RAB3C: variants seen among roughly 807,000 people sequenced by gnomAD.
RAB3C encodes the protein ras-related protein Rab-3C.
RAB3C carries 17 observed loss-of-function variants against 26.4 expected under a neutral mutation model. The ratio of observed to expected loss-of-function variants is 0.64; its 90% confidence interval spans 0.44 to 0.97. RAB3C has a LOEUF of 0.97. RAB3C is among the 50% of genes least tolerant of loss of function. The pLI, the probability that RAB3C is intolerant of heterozygous loss-of-function variation, is 0.00. For missense variants in RAB3C, 242 were observed against 281.9 expected, an observed-to-expected ratio of 0.86 and a Z score of 1.01; for synonymous variants, 91 against 95.9, an observed-to-expected ratio of 0.95 and a Z score of 0.30.
chr5:58,836,242 T>A (rs915578323), intron 4 of RAB3C, among the ~76,000 whole-genome samples: 4 of 102,048 alleles, frequency 3.9e-5, no homozygotes, highest in Non-Finnish European at 7.9e-5. Flanking sequence ...CTCATATATT[T>A]CTTTATTTTT....
chr5:58,786,259 T>G (rs1199212992), intron 3 of RAB3C, among the ~76,000 whole-genome samples: 1 of 152,202 alleles, frequency 6.6e-6, no homozygotes, highest in Non-Finnish European at 1.5e-5. Context: ...GACCTGAACC[T>G]CAGCCCTTCC....
At chr5:58,606,231 G>C (rs1746565797) in intron 1 of RAB3C, among the ~76,000 whole-genome samples, 1 of 152,224 alleles carries the variant, frequency 6.6e-6, no homozygotes, top group Admixed American at 6.5e-5. Context: ...GCAACAGGCA[G>C]ACCAGGAAAT....
At chr5:58,645,836 A>T (rs13181341) in intron 2 of RAB3C, among the ~76,000 whole-genome samples, 15,951 of 152,098 alleles carry the variant, frequency 0.1, 959 homozygotes, top group Middle Eastern at 0.21. Context: ...GGTGAAGTGG[A>T]CCTGGGGCCC....
At chr5:58,839,205 C>G (rs1444181745) in intron 4 of RAB3C, among the ~76,000 whole-genome samples, 1 of 151,682 alleles carries the variant, frequency 6.6e-6, no homozygotes, top group Non-Finnish European at 1.5e-5. Context: ...CATTTACATT[C>G]AAGGTTATTA....
chr5:58,626,469 A>G (rs533103767), intron 2 of RAB3C, among the ~76,000 whole-genome samples: 1 of 152,278 alleles, frequency 6.6e-6, no homozygotes, highest in South Asian at 2.1e-4. Context: ...ACTTGGTTCT[A>G]AATCCCCCTA....
chr5:58,825,478 C>G (rs898050496), intron 4 of RAB3C, among the ~76,000 whole-genome samples: 8 of 152,140 alleles, frequency 5.3e-5, no homozygotes, highest in East Asian at 1.9e-4. Context: ...CCCCCATACT[C>G]TATTTTGCAT....
At chr5:58,594,465 A>G (rs113837333) in intron 1 of RAB3C, among the ~76,000 whole-genome samples, 45 of 152,340 alleles carry the variant, frequency 3.0e-4, no homozygotes, top group African/African-American at 1.1e-3. Context: ...TAATAGTAGC[A>G]GTAGCTTTTG....
At chr5:58,622,880 T>G (rs1746965506) in intron 2 of RAB3C, among the ~76,000 whole-genome samples, 1 of 152,202 alleles carries the variant, frequency 6.6e-6, no homozygotes, top group Non-Finnish European at 1.5e-5. Flanking sequence ...CCCATGTACT[T>G]GACCACATGG....
intron 1 of RAB3C, among the ~76,000 whole-genome samples, chr5:58,604,452 C>T (rs1402729560): frequency 6.6e-6 from 1 of 152,152 alleles, no homozygotes; most frequent in Non-Finnish European, 1.5e-5. Flanking sequence ...CTAGGCCTGT[C>T]TGAGCTCAGA....
chr5:58,647,823 G>T (rs1409068249), intron 2 of RAB3C: 1 of 152,074 alleles, frequency 6.6e-6, no homozygotes, highest in Non-Finnish European at 1.5e-5. Flanking sequence ...AACTAACCAG[G>T]TCTCCATAGT....
chr5:58,649,662 C>T (rs889584113), intron 2 of RAB3C, among the ~76,000 whole-genome samples: 3 of 152,080 alleles, frequency 2.0e-5, no homozygotes, highest in Admixed American at 1.3e-4. Context: ...CTTACTGTCA[C>T]GCTTCACCAA....
intron 2 of RAB3C, among the ~76,000 whole-genome samples, chr5:58,665,453 A>G (rs1190113343): frequency 6.6e-6 from 1 of 152,150 alleles, no homozygotes; most frequent in Non-Finnish European, 1.5e-5. Flanking sequence ...CCTACTGAGA[A>G]ATGAGCTGCT....
At chr5:58,694,682 C>T (rs1748653371) in intron 2 of RAB3C, among the ~76,000 whole-genome samples, 1 of 152,168 alleles carries the variant, frequency 6.6e-6, no homozygotes. Context: ...TTCTGATGAC[C>T]AGTGATGATG....
At chr5:58,743,191 G>A (rs540559532) in intron 3 of RAB3C, among the ~76,000 whole-genome samples, 1 of 152,194 alleles carries the variant, frequency 6.6e-6, no homozygotes, top group African/African-American at 2.4e-5. Flanking sequence ...AACTTACAAG[G>A]TGGCCATGAG....
At chr5:58,847,692 C>T (rs1037753272) in intron 4 of RAB3C, among the ~76,000 whole-genome samples, 10 of 151,894 alleles carry the variant, frequency 6.6e-5, no homozygotes, top group African/African-American at 2.4e-4. Context: ...AAAATCAAGC[C>T]CCACTTGATT....
intron 3 of RAB3C, among the ~76,000 whole-genome samples, chr5:58,813,606 A>G (rs1192132637): frequency 3.9e-5 from 1 of 25,798 alleles, no homozygotes; most frequent in Admixed American, 3.8e-4. Context: ...ATATATATAT[A>G]TATATATATA....
At chr5:58,757,545 G>T in intron 3 of RAB3C, among the ~76,000 whole-genome samples, 1 of 152,230 alleles carries the variant, frequency 6.6e-6, no homozygotes, top group Non-Finnish European at 1.5e-5. Context: ...TCTTTGGAAT[G>T]TTGCATAGGA....
intron 3 of RAB3C, among the ~76,000 whole-genome samples, chr5:58,763,043 AC>A (rs1292498409): frequency 6.6e-6 from 1 of 152,204 alleles, no homozygotes; most frequent in Non-Finnish European, 1.5e-5. Context: ...TGGGAACAAA[AC>A]TTTTTTCTAC....
intron 3 of RAB3C, among the ~76,000 whole-genome samples, chr5:58,754,479 C>A (rs1485864898): frequency 6.6e-6 from 1 of 152,070 alleles, no homozygotes; most frequent in African/African-American, 2.4e-5. Context: ...TCATACTCAG[C>A]GTGAATATGG....
Sources: allele counts gnomAD v4.1 joint callset (sites outside exome capture counted in the v4.1 genomes callset), GRCh38; gene constraint gnomAD v4.1.1; transcripts MANE v1.5; gene names NCBI Gene and HGNC (gene_info 2026-07-23, HGNC 2026-07-21).